The following ST7L variants were observed in gnomAD, a reference collection of about 807,000 sequenced individuals.
ST7L encodes the protein suppressor of tumorigenicity 7 protein-like.
Under a neutral mutation model 72.5 loss-of-function variants are expected in ST7L, and 57 were observed. The ratio of observed to expected loss-of-function variants is 0.79; its 90% confidence interval spans 0.64 to 0.98. The LOEUF is 0.98. Ranked by LOEUF, ST7L falls within the 50% of genes least tolerant of loss-of-function variation. The probability of loss-of-function intolerance (pLI) is 0.00; values close to 1 mark genes in which losing one functional copy is unlikely to be tolerated. For synonymous variants in ST7L, 221 were observed against 240.9 expected (o/e 0.92, Z 0.77); for missense variants, 576 against 672.2 (o/e 0.86, Z 1.58).
intron 3 of ST7L, among the ~76,000 whole-genome samples, chr1:112,604,819 C>T (rs1444488326): frequency 2.8e-5 from 4 of 143,012 alleles, no homozygotes; most frequent in Non-Finnish European, 6.0e-5. Flanking sequence ...GGCGTGGTGG[C>T]TCATGCCTGT....
At chr1:112,615,151 C>T (rs1669668348) in intron 2 of ST7L, among the ~76,000 whole-genome samples, 1 of 152,068 alleles carries the variant, frequency 6.6e-6, no homozygotes, top group African/African-American at 2.4e-5. Flanking sequence ...AGGTGCGCCA[C>T]ACACGCCTAA....
In ST7L at chr1:112,591,511, T is replaced by A. The variant is rs769874207; in HGVS notation, c.701+14A>T. On this transcript the variant is annotated intron_variant, in intron 6 of 14. Transcript: ENST00000358039. Reference sequence around the variant, plus strand: ...CTTCAAAATAAATTTATTTTCCATATATTTCAAACTTACTCATTGTTTAAT... The same window carrying A: ...CTTCAAAATAAATTTATTTTCCATAAATTTCAAACTTACTCATTGTTTAAT... 6.3e-7 allele frequency: 1 copy of A among 1,596,942 alleles called. No homozygotes were observed. Among genetic ancestry groups the A allele is most frequent in the South Asian group, 1.1e-5 (1 of 88,276 alleles).
intron 11 of ST7L, among the ~76,000 whole-genome samples, chr1:112,566,748 T>C (rs907766038): frequency 6.6e-6 from 1 of 152,228 alleles, no homozygotes; most frequent in Non-Finnish European, 1.5e-5. Context: ...AATCATTCAG[T>C]AAGTACTTGT....
chr1:112,606,975 T>C (rs1223703818), intron 3 of ST7L: 1 of 152,208 alleles, frequency 6.6e-6, no homozygotes, highest in African/African-American at 2.4e-5. Flanking sequence ...GGGGACACAT[T>C]TCAGTCTACA....
rs748480819 is a variant in ST7L, at chr1:112,582,476, T to G, written c.857-4A>C. On this transcript the variant is annotated splice_region_variant and splice_polypyrimidine_tract_variant and intron_variant, in intron 7 of 14. Transcript: ENST00000358039. ...ACCAGTACATTGGTATCTCTCCCTA[T>G]TTAGAAAAACAAAAAAATGATACAA... The G allele has an allele frequency of 1.3e-6, 2 of 1,567,140 alleles. No individual in the cohort carries two copies. The highest frequency in any genetic ancestry group is 1.7e-6 in the Non-Finnish European group (2 of 1,149,164).
intron 2 of ST7L, among the ~76,000 whole-genome samples, chr1:112,614,990 T>G (rs1019141425): frequency 6.6e-6 from 1 of 152,190 alleles, no homozygotes; most frequent in African/African-American, 2.4e-5. Context: ...TGAATTAAAG[T>G]TAAACAGTTT....
downstream of ST7L, among the ~76,000 whole-genome samples, chr1:112,519,405 G>GCTAGTCAGTTTCCCATCT (rs1204112730): frequency 1.3e-5 from 2 of 152,092 alleles, no homozygotes; most frequent in Non-Finnish European, 1.5e-5. Context: ...TTGAACCTAG[G>GCTAGTCAGTTTCCCATCT]CTAGTCAGTT....
chr1:112,602,686 G>T (rs1171510879), intron 3 of ST7L, among the ~76,000 whole-genome samples: 1 of 150,504 alleles, frequency 6.6e-6, no homozygotes, highest in Non-Finnish European at 1.5e-5. Flanking sequence ...CGGTTATTTA[G>T]ATGGGTACCT....
intron 11 of ST7L, among the ~76,000 whole-genome samples, chr1:112,572,829 G>A (rs1051275639): frequency 2.0e-5 from 3 of 151,992 alleles, no homozygotes; most frequent in Admixed American, 6.6e-5. Context: ...GAAGAAAGAC[G>A]AAAATTACAG....
chr1:112,563,069 A>G (rs1660435448), intron 11 of ST7L, among the ~76,000 whole-genome samples: 1 of 151,346 alleles, frequency 6.6e-6, no homozygotes, highest in Non-Finnish European at 1.5e-5. Flanking sequence ...AAGAGTCTGA[A>G]TTTTTAAAAA....
intron 14 of ST7L, chr1:112,528,050 GA>G (rs1040560072): frequency 3.3e-5 from 5 of 152,168 alleles, no homozygotes; most frequent in African/African-American, 1.2e-4. Context: ...ACAATAAAAT[GA>G]AACAGTTTAA....
upstream of ST7L, chr1:112,619,144 G>C (rs377323053): frequency 2.5e-6 from 4 of 1,606,254 alleles, no homozygotes; most frequent in African/African-American, 5.4e-5. Context: ...CAGGAGCTGG[G>C]AGGGGAGAAG....
At chr1:112,617,712 C>CTT in intron 1 of ST7L, among the ~76,000 whole-genome samples, 2 of 85,900 alleles carry the variant, frequency 2.3e-5, no homozygotes, top group Non-Finnish European at 4.5e-5. Context: ...CTGTCTTTCT[C>CTT]TCTCTCACAC....
chr1:112,536,270 T>G (rs1460266368), intron 14 of ST7L, among the ~76,000 whole-genome samples: 1 of 152,192 alleles, frequency 6.6e-6, no homozygotes, highest in East Asian at 1.9e-4. Context: ...ATTTAATTTC[T>G]GAATGTGGCC....
intron 11 of ST7L, among the ~76,000 whole-genome samples, chr1:112,564,576 G>C (rs1171051432): frequency 6.6e-6 from 1 of 152,074 alleles, no homozygotes; most frequent in Admixed American, 6.6e-5. Context: ...CAGCACTTTG[G>C]GAGGCCAAGG....
chr1:112,595,875 C>G (rs746774286), intron 5 of ST7L, among the ~76,000 whole-genome samples: 1 of 152,142 alleles, frequency 6.6e-6, no homozygotes, highest in Non-Finnish European at 1.5e-5. Context: ...ATGATGTCAA[C>G]TTAAAAATGT....
At chr1:112,591,392 TA>T (rs1426183941) in intron 6 of ST7L, 132 bp downstream of exon 6, 2 of 687,918 alleles carry the variant, frequency 2.9e-6, no homozygotes, top group African/African-American at 1.9e-5. Context: ...AAAATTTTAT[TA>T]AATATCTATA....
intron 11 of ST7L, among the ~76,000 whole-genome samples, chr1:112,572,405 C>T (rs998227134): frequency 6.6e-6 from 1 of 152,170 alleles, no homozygotes; most frequent in African/African-American, 2.4e-5. Context: ...TCTTAGTTGG[C>T]ATCTTCTTCC....
intron 3 of ST7L, among the ~76,000 whole-genome samples, chr1:112,603,292 A>G (rs1318951341): frequency 6.6e-6 from 1 of 152,194 alleles, no homozygotes; most frequent in Non-Finnish European, 1.5e-5. Context: ...TTTCCAAACA[A>G]CCAATGTATG....
Sources: gnomAD v4.1 joint callset for allele counts (sites outside exome capture counted in the v4.1 genomes callset) on GRCh38, gnomAD v4.1.1 for gene constraint, MANE v1.5 for transcripts, NCBI Gene and HGNC (gene_info 2026-07-23, HGNC 2026-07-21) for gene names.